SCD5: variants seen among roughly 807,000 people sequenced by gnomAD.
The protein encoded by SCD5 is acyl-CoA-desaturase 4.
SCD5 carries 20 observed loss-of-function variants against 30.4 expected under a neutral mutation model. The observed-to-expected ratio is 0.66, with a 90% CI of 0.46 to 0.96. SCD5 has a LOEUF of 0.96. SCD5 is among the 40% of genes least tolerant of loss of function. SCD5 has a pLI of 0.00. For synonymous variants in SCD5, 173 were observed against 176.4 expected (o/e 0.98, Z 0.16); for missense variants, 381 against 443.3 (o/e 0.86, Z 1.26).
chr4:82,656,925 T>C (rs1466602945), intron 3 of SCD5, among the ~76,000 whole-genome samples: 3 of 152,244 alleles, frequency 2.0e-5, no homozygotes, highest in Non-Finnish European at 4.4e-5. Flanking sequence ...GTTCATATCC[T>C]TTGCCCACTT....
intron 3 of SCD5, among the ~76,000 whole-genome samples, chr4:82,678,829 A>T (rs746217055): frequency 6.6e-6 from 1 of 152,218 alleles, no homozygotes; most frequent in South Asian, 2.1e-4. Flanking sequence ...TGAATTTTTC[A>T]TCTTTTTCTC....
intron 1 of SCD5, among the ~76,000 whole-genome samples, chr4:82,794,718 C>T (rs1173606811): frequency 1.3e-5 from 2 of 150,856 alleles, no homozygotes; most frequent in Non-Finnish European, 2.9e-5. Flanking sequence ...GGCGCAATCT[C>T]GGCTCCCTGC....
At chr4:82,654,871 C>A (rs1727838776) in intron 3 of SCD5, among the ~76,000 whole-genome samples, 1 of 152,104 alleles carries the variant, frequency 6.6e-6, no homozygotes, top group Non-Finnish European at 1.5e-5. Context: ...TGTAGAATAT[C>A]TAGAAATAAA....
chr4:82,638,673 G>T (rs1727480895), intron 3 of SCD5, among the ~76,000 whole-genome samples: 1 of 152,180 alleles, frequency 6.6e-6, no homozygotes. Flanking sequence ...GCTCAGCAAG[G>T]CGCTGTTACA....
chr4:82,664,961 A>ATCTCTCTC (rs368839845), intron 3 of SCD5, among the ~76,000 whole-genome samples: 53 of 77,040 alleles, frequency 6.9e-4, no homozygotes, highest in Middle Eastern at 6.9e-3. Context: ...GCAAGACCCC[A>ATCTCTCTC]TCTCTCTCTC....
At chr4:82,636,550 G>A (rs1225374935) in intron 4 of SCD5, 41 bp downstream of exon 4, 1 of 1,515,750 alleles carries the variant, frequency 6.6e-7, no homozygotes, top group Middle Eastern at 2.1e-4. Context: ...AGAAAACCTG[G>A]GCCACCATTC....
chr4:82,686,147 A>C lies in SCD5; in HGVS notation c.364-5235T>G, dbSNP rs565398174. ...CAGCCTCCCCAGTAGCTGGGACCAC[A>C]GGCACATGCCACTATGCCCAGCTAA... is the stretch of plus-strand genomic sequence containing the variant. On this transcript the variant is annotated intron_variant, in intron 2 of 4. Transcript: ENST00000319540. 2.3e-3 allele frequency among the ~76,000 whole-genome samples: 350 copies of C among 152,226 alleles called. 1 individual carries two copies. The highest frequency in any genetic ancestry group is 3.6e-3 in the Non-Finnish European group (245 of 68,022).
chr4:82,758,442 G>T (rs189240347), intron 1 of SCD5, among the ~76,000 whole-genome samples: 257 of 152,314 alleles, frequency 1.7e-3, no homozygotes, highest in African/African-American at 5.8e-3. Context: ...CTGAGCCACA[G>T]AGCGAGACTC....
intron 2 of SCD5, 94 bp downstream of exon 2, chr4:82,705,189 A>T (rs1017593983): frequency 1.5e-5 from 23 of 1,488,898 alleles, no homozygotes; most frequent in Non-Finnish European, 2.1e-5. Flanking sequence ...TGAGTCTAGG[A>T]CAGGGGTGGA....
chr4:82,687,739 A>G (rs7671867), intron 2 of SCD5, among the ~76,000 whole-genome samples: 141,932 of 152,244 alleles, frequency 0.93, 66,230 homozygotes, highest in East Asian at 1. Context: ...TCTCCCACGC[A>G]CAGCCTTTGA....
intron 3 of SCD5, among the ~76,000 whole-genome samples, chr4:82,637,943 C>T (rs552566384): frequency 2.6e-4 from 40 of 152,238 alleles, no homozygotes; most frequent in African/African-American, 8.9e-4. Context: ...ACGTGTGCCA[C>T]GATGGTTTGC....
chr4:82,720,908 T>C (rs1462812894), intron 1 of SCD5, among the ~76,000 whole-genome samples: 1 of 152,158 alleles, frequency 6.6e-6, no homozygotes, highest in Middle Eastern at 3.2e-3. Flanking sequence ...TCCCAGCACT[T>C]CAGGACGCCG....
chr4:82,631,624 G>A, intron 4 of SCD5, 107 bp from the exon 5 acceptor site: 1 of 1,185,308 alleles, frequency 8.4e-7, no homozygotes, highest in Admixed American at 2.3e-5. Context: ...CATGGTGTCA[G>A]CCTCTGTGAG....
chr4:82,683,746 TTGAG>T (rs1247344844), intron 2 of SCD5, among the ~76,000 whole-genome samples: 1 of 152,172 alleles, frequency 6.6e-6, no homozygotes, highest in African/African-American at 2.4e-5. Flanking sequence ...TCTCATGATA[TTGAG>T]TGAGTTCTCA....
At chr4:82,735,534 G>A (rs989165667) in intron 1 of SCD5, among the ~76,000 whole-genome samples, 3 of 152,154 alleles carry the variant, frequency 2.0e-5, no homozygotes, top group Non-Finnish European at 2.9e-5. Flanking sequence ...GACAATAAAC[G>A]ACGCAGTGCG....
At chr4:82,640,127 G>A (rs1007472926) in intron 3 of SCD5, among the ~76,000 whole-genome samples, 2 of 152,106 alleles carry the variant, frequency 1.3e-5, no homozygotes, top group African/African-American at 2.4e-5. Flanking sequence ...CTGTGGAATC[G>A]GCCTTCTCTG....
intron 3 of SCD5, among the ~76,000 whole-genome samples, chr4:82,654,605 AAT>A (rs1267102018): frequency 6.6e-6 from 1 of 152,176 alleles, no homozygotes; most frequent in East Asian, 1.9e-4. Context: ...GATTACATCA[AAT>A]ATCTAGACAT....
At chr4:82,774,992 T>C (rs1202553998) in intron 1 of SCD5, among the ~76,000 whole-genome samples, 2 of 152,180 alleles carry the variant, frequency 1.3e-5, no homozygotes, top group Non-Finnish European at 2.9e-5. Context: ...GTCTTTCCTC[T>C]GGCATGTTCC....
chr4:82,782,387 C>T (rs1721891205), intron 1 of SCD5, among the ~76,000 whole-genome samples: 1 of 152,096 alleles, frequency 6.6e-6, no homozygotes, highest in South Asian at 2.1e-4. Context: ...CATCAGTGTG[C>T]TTGTCCGGTT....
Sources: allele counts gnomAD v4.1 joint callset (sites outside exome capture counted in the v4.1 genomes callset), GRCh38; gene constraint gnomAD v4.1.1; transcripts MANE v1.5; gene names NCBI Gene and HGNC (gene_info 2026-07-23, HGNC 2026-07-21).